Variants in RRM2 observed in about 807,000 individuals in gnomAD.
RRM2 encodes ribonucleotide reductase regulatory subunit M2, also known as ribonucleoside-diphosphate reductase subunit M2.
In RRM2, 6 loss-of-function variants were observed where a neutral mutation model predicts 45.9. That is an observed-to-expected ratio of 0.13 (90% CI 0.07 to 0.26). RRM2 has a LOEUF of 0.26. Ranked by LOEUF, RRM2 falls within the 10% of genes least tolerant of loss-of-function variation. RRM2 has a pLI of 1.00. For synonymous variants in RRM2, 177 were observed against 173.0 expected, an observed-to-expected ratio of 1.02 and a Z score of -0.18; for missense variants, 343 against 489.5, an observed-to-expected ratio of 0.70 and a Z score of 2.82.
chr2:10,155,378 A>G (rs551832969), intron 3 of RRM2, among the ~76,000 whole-genome samples: 1 of 152,154 alleles, frequency 6.6e-6, no homozygotes, highest in African/African-American at 2.4e-5. Flanking sequence ...TTTGCTGTGG[A>G]CAGAAGGTAC....
chr2:10,160,001 C>T (rs995355206), intron 3 of RRM2, among the ~76,000 whole-genome samples: 2 of 152,188 alleles, frequency 1.3e-5, no homozygotes, highest in Non-Finnish European at 2.9e-5. Context: ...GTCCAGCCCC[C>T]TCTCCCTGCC....
chr2:10,163,330 C>T (rs995826149), intron 3 of RRM2, among the ~76,000 whole-genome samples: 11 of 18,780 alleles, frequency 5.9e-4, no homozygotes, highest in African/African-American at 2.5e-3. Context: ...AAAAGACGGG[C>T]GGGGGGGTGG....
At chr2:10,153,655 A>G (rs1002699770) in intron 3 of RRM2, among the ~76,000 whole-genome samples, 3 of 152,240 alleles carry the variant, frequency 2.0e-5, no homozygotes, top group South Asian at 2.1e-4. Flanking sequence ...CATAGTTCTC[A>G]GCAAGCCTCA....
At chr2:10,175,774 T>C (rs1006510698) in intron 3 of RRM2, among the ~76,000 whole-genome samples, 2 of 151,812 alleles carry the variant, frequency 1.3e-5, no homozygotes, top group African/African-American at 4.8e-5. Context: ...TTTTTTTTTT[T>C]TGATATTTTT....
At chr2:10,210,653 A>T in exon 4 of RRM2, 4 of 1,330,564 alleles carry the variant, frequency 3.0e-6, no homozygotes, top group Non-Finnish European at 4.0e-6. Context: ...GGAGTGGGGG[A>T]AATGGAACCC....
chr2:10,122,613 C>T, upstream of RRM2: 1 of 1,517,024 alleles, frequency 6.6e-7, no homozygotes. Flanking sequence ...GGGCAAGGCG[C>T]AGCCAATGGG....
chr2:10,150,917 G>A (rs1053492638), intron 3 of RRM2, among the ~76,000 whole-genome samples: 4 of 151,890 alleles, frequency 2.6e-5, no homozygotes, highest in African/African-American at 7.3e-5. Flanking sequence ...GGGTTCAAGC[G>A]ATTCTCCTGC....
intron 3 of RRM2, among the ~76,000 whole-genome samples, chr2:10,143,348 A>G (rs1299845992): frequency 6.6e-6 from 1 of 152,230 alleles, no homozygotes; most frequent in African/African-American, 2.4e-5. Flanking sequence ...GGGCCTCCTC[A>G]GAGCCCTCAT....
intron 3 of RRM2, among the ~76,000 whole-genome samples, chr2:10,144,959 C>T (rs1355511777): frequency 3.9e-5 from 6 of 152,300 alleles, no homozygotes; most frequent in African/African-American, 7.2e-5. Flanking sequence ...GCATGAGCAC[C>T]GGGCCGGGAG....
Position 10,187,224 on chromosome 2 carries a change from G to A in RRM2, n.483-23087G>A, listed in dbSNP as rs976676205. Among the ~76,000 whole-genome samples, 6 of 152,218 alleles carry A rather than the reference G, an allele frequency of 3.9e-5. No individual in the cohort carries two copies. The South Asian group carries it at 1.2e-3, about 32-fold the overall frequency. ...CCGCTCCTCTCTACCCAGCAGAAGG[G>A]TCCCGCAGGAAGATCAGCTCTGAGG... On this transcript the variant is annotated intron_variant and non_coding_transcript_variant, in intron 3 of 3. Coordinates refer to the RRM2 transcript ENST00000381786.
exon 3 of RRM2, chr2:10,142,272 A>G (rs775212208): frequency 6.9e-7 from 1 of 1,444,738 alleles, no homozygotes; most frequent in East Asian, 3.5e-5. Context: ...GAAGCTCGGG[A>G]AGGTCTGACC....
intron 3 of RRM2, among the ~76,000 whole-genome samples, chr2:10,145,155 G>A (rs1471496022): frequency 1.3e-5 from 2 of 152,170 alleles, no homozygotes; most frequent in Non-Finnish European, 2.9e-5. Context: ...TCCTGGCAGA[G>A]TTTGCAGTAC....
chr2:10,167,250 G>T (rs908744649), intron 3 of RRM2, among the ~76,000 whole-genome samples: 1 of 152,186 alleles, frequency 6.6e-6, no homozygotes, highest in South Asian at 2.1e-4. Flanking sequence ...GTTGATAAAA[G>T]ATTGAACCAA....
Position 10,189,770 on chromosome 2 carries a change from G to C in RRM2, n.483-20541G>C, listed in dbSNP as rs570599366. On this transcript the variant is annotated intron_variant and non_coding_transcript_variant, in intron 3 of 3. Transcript: ENST00000381786. Reference sequence around the variant, plus strand: ...GATGATGTGCTTAAAAGTCTTACATGAGGCATGGTGACACTAGATGGGCCA... The same window carrying C: ...GATGATGTGCTTAAAAGTCTTACATCAGGCATGGTGACACTAGATGGGCCA... Among the ~76,000 whole-genome samples the C allele has an allele frequency of 3.9e-5, 6 of 152,342 alleles. No individual in the cohort carries two copies. The East Asian group carries it at 1.2e-3, about 29-fold the overall frequency.
chr2:10,129,200 C>G lies in RRM2; in HGVS notation c.1018-34C>G. 1.2e-6 allele frequency: 2 copies of G among 1,613,842 alleles called. No homozygotes were observed. The highest frequency in any genetic ancestry group is 1.7e-6 in the Non-Finnish European group (2 of 1,179,802). On this transcript the variant is annotated intron_variant, in intron 9 of 9. Transcript: ENST00000304567. The surrounding 1 kb of genome is among the most constrained non-coding windows in gnomAD (Gnocchi z 4.8). The stretch of plus-strand genomic sequence containing the variant: ...CCTTTTGCTTGTTTTGAAGCTGGTG[C>G]TCTGTATTTATATCTTGATGTGAAC...
rs1034080729 is a variant in RRM2, at chr2:10,164,542, C to T, written n.482+22167C>T. Among the ~76,000 whole-genome samples, 11 of 152,316 alleles carry T rather than the reference C, an allele frequency of 7.2e-5. No homozygotes were observed. In the East Asian group the frequency reaches 7.7e-4, roughly 11 times the overall value. The stretch of plus-strand genomic sequence containing the variant: ...AGGGCTCGGGTGCACTCAGTGCTCA[C>T]GGGCGAAGTGAGCAGGCTGGCATCT... On this transcript the variant is annotated intron_variant and non_coding_transcript_variant, in intron 3 of 3. Coordinates refer to the RRM2 transcript ENST00000381786.
rs1459920971 is a variant in RRM2 at position 10,181,895 on chromosome 2, G to A, written n.483-28416G>A. 2.7e-5 allele frequency among the ~76,000 whole-genome samples: 4 copies of A among 150,784 alleles called. No individual in the cohort carries two copies. The East Asian group carries it at 7.8e-4, about 29-fold the overall frequency. ...TCCTCTCACCTCAGCCTCCCGAGTA[G>A]CTGGGACTACAGGAGTGAGCCACCA... On this transcript the variant is annotated intron_variant and non_coding_transcript_variant, in intron 3 of 3. Coordinates refer to the RRM2 transcript ENST00000381786.
chr2:10,146,962 T>A (rs573784669), intron 3 of RRM2, among the ~76,000 whole-genome samples: 33 of 152,312 alleles, frequency 2.2e-4, no homozygotes, highest in Non-Finnish European at 2.5e-4. Flanking sequence ...TTATTTATTT[T>A]TATTTATTTT....
rs1256164637 is a variant in RRM2, at chr2:10,171,072, C to CAGGCTGCGCCACTCATCATTAT, written n.482+28714_482+28735dup. 2.0e-5 allele frequency among the ~76,000 whole-genome samples: 3 copies of CAGGCTGCGCCACTCATCATTAT among 152,304 alleles called. No individual in the cohort carries two copies. Among genetic ancestry groups the CAGGCTGCGCCACTCATCATTAT allele is most frequent in the Admixed American group, 2.0e-4 (3 of 15,306 alleles). On this transcript the variant is annotated intron_variant and non_coding_transcript_variant, in intron 3 of 3. Coordinates refer to the RRM2 transcript ENST00000381786. The surrounding 1 kb of genome is among the most constrained non-coding windows in gnomAD (Gnocchi z 4.1). Reference sequence around the variant, plus strand: ...CCCTCCACACTGAGCAGACCCAGCACAGGCTGCGCCACTCATCATTATAGG... The same window carrying CAGGCTGCGCCACTCATCATTAT: ...CCCTCCACACTGAGCAGACCCAGCACAGGCTGCGCCACTCATCATTATAGGCTGCGCCACTCATCATTATAGG...
Sources: gnomAD v4.1 joint callset for allele counts (sites outside exome capture counted in the v4.1 genomes callset) on GRCh38, gnomAD v4.1.1 for gene constraint, Gnocchi (gnomAD v3.1) non-coding constraint, MANE v1.5 for transcripts, NCBI Gene and HGNC (gene_info 2026-07-23, HGNC 2026-07-21) for gene names.